Variants in KPNA7 observed in about 807,000 individuals in gnomAD.
KPNA7 encodes the protein karyopherin subunit alpha 7, also known as importin subunit alpha-8.
A neutral mutation model predicts 53.7 loss-of-function variants in KPNA7; 54 were observed. The observed-to-expected ratio is 1.01, with a 90% CI of 0.81 to 1.26. The LOEUF (loss-of-function observed/expected upper bound fraction) is 1.26. KPNA7 is among the 50% of genes most tolerant of loss of function. The pLI, the probability that KPNA7 is intolerant of heterozygous loss-of-function variation, is 0.00. For synonymous variants in KPNA7, 276 were observed against 259.3 expected (o/e 1.06, Z -0.62); for missense variants, 640 against 644.5 (o/e 0.99, Z 0.07).
intron 3 of KPNA7, among the ~76,000 whole-genome samples, 170 bp from the exon 4 acceptor site, chr7:99,196,336 G>T (rs1272759568): frequency 1.3e-5 from 2 of 152,152 alleles, no homozygotes; most frequent in African/African-American, 4.8e-5. Context: ...AGATCTCACA[G>T]ATCTGTGTGT....
At chr7:99,162,035 CA>C in the KPNA7 span, among the ~76,000 whole-genome samples, 1 of 142,020 alleles carries the variant, frequency 7.0e-6, no homozygotes, top group Non-Finnish European at 1.5e-5. Flanking sequence ...ACCAAGATTG[CA>C]ATTTTTTTTT....
chr7:99,168,750 G>A (rs190233005), downstream of KPNA7, among the ~76,000 whole-genome samples: 266 of 152,132 alleles, frequency 1.7e-3, 3 homozygotes, highest in African/African-American at 5.9e-3. Flanking sequence ...CTTCCACCTC[G>A]GTCTCCTGAG....
intron 10 of KPNA7, among the ~76,000 whole-genome samples, chr7:99,175,099 C>T (rs1160542180): frequency 1.3e-5 from 2 of 152,030 alleles, no homozygotes; most frequent in Non-Finnish European, 2.9e-5. Flanking sequence ...AGGTGTGAGC[C>T]ACTGCACCCA....
chr7:99,175,030 C>T (rs1798848220), intron 10 of KPNA7, among the ~76,000 whole-genome samples: 1 of 151,802 alleles, frequency 6.6e-6, no homozygotes, highest in Non-Finnish European at 1.5e-5. Context: ...AGGCTGGTCT[C>T]GAACTCCTGA....
At chr7:99,195,383 A>G in intron 4 of KPNA7, 45 bp from the exon 5 acceptor site, 10 of 1,529,814 alleles carry the variant, frequency 6.5e-6, no homozygotes, top group Non-Finnish European at 8.8e-6. Context: ...GTCAAGTGAG[A>G]GAGGTATTAA....
In KPNA7 at chr7:99,181,061, GTCTCTCTCTCCATC is replaced by G. The variant is rs1563069039; in HGVS notation, c.1317+808_1317+821del. 2.8e-3 allele frequency among the ~76,000 whole-genome samples: 12 copies of G among 4,326 alleles called. 4 individuals carry two copies. Among genetic ancestry groups the G allele is most frequent in the African/African-American group, 7.2e-3 (10 of 1,386 alleles). The allele number at this position is 4,326 out of a possible 152,430, so 2.8% of individuals were successfully genotyped here. A position where few individuals can be genotyped will look rare whatever the true frequency, so the allele number is the denominator to read the frequency against. ...TGTCTCTCTCTCTCTCTCCGTCTGT[GTCTCTCTCTCCATC>G]TGTGTCTCTCTCTCTCTCTCCGTCT... On this transcript the variant is annotated intron_variant, in intron 9 of 10. Transcript: ENST00000327442.
intron 1 of KPNA7, among the ~76,000 whole-genome samples, chr7:99,214,488 T>G (rs1791159481): frequency 6.9e-6 from 1 of 145,342 alleles, no homozygotes; most frequent in African/African-American, 2.5e-5. Context: ...ACTAGCCAGT[T>G]GTGGTGGTGT....
intron 6 of KPNA7, among the ~76,000 whole-genome samples, chr7:99,190,751 G>A (rs1314383760): frequency 2.6e-5 from 4 of 151,270 alleles, no homozygotes; most frequent in Non-Finnish European, 4.4e-5. Context: ...AAACTCAAGC[G>A]ATCCTCTCGC....
At chr7:99,195,965 T>C (rs1790209133) in intron 4 of KPNA7, 119 bp downstream of exon 4, 2 of 756,136 alleles carry the variant, frequency 2.6e-6, no homozygotes, top group African/African-American at 3.5e-5. Flanking sequence ...AGCCTTTTCC[T>C]GTGTTTTACG....
chr7:99,148,225 C>T, the KPNA7 span, among the ~76,000 whole-genome samples: 4 of 152,186 alleles, frequency 2.6e-5, no homozygotes, highest in African/African-American at 7.2e-5. Context: ...AGATGGAACT[C>T]GGTGAGCCTC....
intron 6 of KPNA7, among the ~76,000 whole-genome samples, chr7:99,190,792 C>T (rs559639570): frequency 5.9e-5 from 9 of 151,928 alleles, no homozygotes; most frequent in African/African-American, 2.2e-4. Context: ...GGACTACAGA[C>T]ACGTGCCACC....
chr7:99,164,189 G>T, the KPNA7 span, among the ~76,000 whole-genome samples: 2 of 151,442 alleles, frequency 1.3e-5, no homozygotes, highest in African/African-American at 2.4e-5. Context: ...ACATGCACAT[G>T]TATGTTTATT....
chr7:99,193,210 C>A, intron 5 of KPNA7, 109 bp from the exon 6 acceptor site: 1 of 627,286 alleles, frequency 1.6e-6, no homozygotes, highest in South Asian at 3.1e-5. Context: ...AACTCATTCC[C>A]GGGTTTAGCA....
chr7:99,179,424 C>CACAA (rs1799062496), intron 9 of KPNA7, among the ~76,000 whole-genome samples: 1 of 151,836 alleles, frequency 6.6e-6, no homozygotes, highest in Admixed American at 6.6e-5. Context: ...GGTGTGGTAG[C>CACAA]ACAAGCCTGT....
chr7:99,170,559 C>G (rs990666569), downstream of KPNA7, among the ~76,000 whole-genome samples: 4 of 152,084 alleles, frequency 2.6e-5, no homozygotes, highest in Admixed American at 2.6e-4. Flanking sequence ...CCAGGCTGGT[C>G]TCAAACTCCT....
At chr7:99,171,134 C>T (rs999339549), downstream of KPNA7, among the ~76,000 whole-genome samples, 9 of 152,130 alleles carry the variant, frequency 5.9e-5, no homozygotes, top group Non-Finnish European at 8.8e-5. Flanking sequence ...GCAGGAGAAT[C>T]GCTTGAACCC....
rs187889976 is a variant in KPNA7 at position 99,179,101 on chromosome 7, C to G, written c.1318-1035G>C. Among the ~76,000 whole-genome samples the G allele has an allele frequency of 3.3e-4, 50 of 151,704 alleles. 2 individuals carry two copies. In the East Asian group the frequency reaches 9.1e-3, roughly 28 times the overall value. ...CCAAATATCTATTCTTTATCTGTGT[C>G]TTTTGCTCAAGTTTCAGGGTATCAT... is the stretch of plus-strand genomic sequence containing the variant. On this transcript the variant is annotated intron_variant, in intron 9 of 10. Transcript: ENST00000327442.
At chr7:99,214,452 CAAA>C (rs200819604) in intron 1 of KPNA7, among the ~76,000 whole-genome samples, 1 of 145,366 alleles carries the variant, frequency 6.9e-6, no homozygotes, top group Non-Finnish European at 1.5e-5. Context: ...CAAAAAAAAA[CAAA>C]AAACAAAAAC....
At chr7:99,157,886 C>T in the KPNA7 span, among the ~76,000 whole-genome samples, 1 of 151,932 alleles carries the variant, frequency 6.6e-6, no homozygotes, top group African/African-American at 2.4e-5. Flanking sequence ...GCAATCCTCC[C>T]ACCTCAGCCT....
Sources: allele counts gnomAD v4.1 joint callset (sites outside exome capture counted in the v4.1 genomes callset), GRCh38; gene constraint gnomAD v4.1.1; transcripts MANE v1.5; gene names NCBI Gene and HGNC (gene_info 2026-07-23, HGNC 2026-07-21).